The following CDC25C variants were observed in gnomAD, a reference collection of about 807,000 sequenced individuals.
The protein encoded by CDC25C is M-phase inducer phosphatase 3.
In CDC25C, 48 loss-of-function variants were observed where a neutral mutation model predicts 52.5. That is an observed-to-expected ratio of 0.91 (90% confidence interval 0.72 to 1.16). The LOEUF is 1.16. CDC25C is among the 50% of genes most tolerant of loss of function. CDC25C has a pLI of 0.00. For synonymous variants in CDC25C, 187 were observed against 206.5 expected (o/e 0.91, Z 0.81); for missense variants, 510 against 566.1 (o/e 0.90, Z 1.01).
At chr5:138,285,994 T>G in intron 13 of CDC25C, 28 bp downstream of exon 13, 1 of 1,582,226 alleles carries the variant, frequency 6.3e-7, no homozygotes, top group Non-Finnish European at 8.7e-7. Flanking sequence ...TTGTTAAAGT[T>G]TGGCTCCCCG....
At chr5:138,312,567 C>T (rs1385136407) in intron 7 of CDC25C, among the ~76,000 whole-genome samples, 1 of 152,126 alleles carries the variant, frequency 6.6e-6, no homozygotes, top group African/African-American at 2.4e-5. Flanking sequence ...AGCTTGAGGA[C>T]ATTATGCTAG....
Position 138,329,641 on chromosome 5 carries a change from G to A in CDC25C, c.201C>T (p.Thr67=), listed in dbSNP as rs781458799. Residue 67 remains threonine (T), a synonymous_variant, in exon 3 of 14, where the codon ACC becomes ACT. Transcript: ENST00000323760. The part of the protein sequence containing the change: ...SANLSILSGG[T]PKRCLDLSNL... ...TCGAAAGATCGAGGCAACGTTTTGG[G>A]GTTCCTCTGTTGAGACATAATAGTA... 29 of 1,605,346 alleles carry A rather than the reference G, an allele frequency of 1.8e-5. No homozygotes were observed. The Admixed American group carries it at 4.0e-4, about 22-fold the overall frequency.
chr5:138,289,984 T>C (rs931626520), intron 9 of CDC25C, among the ~76,000 whole-genome samples: 8 of 152,110 alleles, frequency 5.3e-5, no homozygotes, highest in Non-Finnish European at 8.8e-5. Context: ...AGAGGATTTC[T>C]TGAGGCCAGG....
At chr5:138,338,346 C>T (rs765422000), upstream of CDC25C, 5 of 440,410 alleles carry the variant, frequency 1.1e-5, no homozygotes, top group African/African-American at 2.1e-5. Flanking sequence ...GGCCTCGGGG[C>T]GGGCACCTCA....
At chr5:138,297,500 C>G (rs562535394) in intron 7 of CDC25C, among the ~76,000 whole-genome samples, 36 of 152,320 alleles carry the variant, frequency 2.4e-4, no homozygotes, top group South Asian at 6.2e-4. Flanking sequence ...ATGCTGGATT[C>G]ATCAGGGCCA....
At chr5:138,334,723 A>G (rs780244809), upstream of CDC25C, among the ~76,000 whole-genome samples, 17 of 152,228 alleles carry the variant, frequency 1.1e-4, no homozygotes, top group Non-Finnish European at 1.9e-4. Flanking sequence ...CTATCTCCTC[A>G]TGATTCCAGC....
intron 7 of CDC25C, among the ~76,000 whole-genome samples, chr5:138,307,920 C>T (rs1013171789): frequency 1.3e-5 from 2 of 152,142 alleles, no homozygotes; most frequent in South Asian, 4.1e-4. Context: ...CAGGATGAAA[C>T]TGTTTCACCT....
chr5:138,313,604 T>TCTGATTCC (rs971461258), intron 7 of CDC25C, among the ~76,000 whole-genome samples: 6 of 152,170 alleles, frequency 3.9e-5, no homozygotes, highest in Non-Finnish European at 8.8e-5. Context: ...ATCTCTCCTT[T>TCTGATTCC]CTGATTCCTG....
intron 7 of CDC25C, among the ~76,000 whole-genome samples, chr5:138,312,314 G>A (rs924107353): frequency 6.6e-6 from 1 of 152,180 alleles, no homozygotes; most frequent in African/African-American, 2.4e-5. Context: ...AGGCTGCAGT[G>A]AGCCATGATC....
rs149326899 is a variant in CDC25C at position 138,292,275 on chromosome 5, C to T, written c.616-159G>A. Among the ~76,000 whole-genome samples the T allele has an allele frequency of 4.2e-3, 643 of 152,154 alleles. 2 individuals are homozygous for T. Among genetic ancestry groups the T allele is most frequent in the African/African-American group, 0.015 (617 of 41,516 alleles). ...TTAAAATCTGCATTTTAACAAGATG[C>T]CCAGGTGATTTCTCAAGTTTGAGAA... On this transcript the variant is annotated intron_variant, in intron 7 of 13. Coordinates refer to ENST00000323760, the MANE Select transcript of CDC25C (RefSeq NM_001790.5).
At chr5:138,303,142 C>T (rs1248554243) in intron 7 of CDC25C, among the ~76,000 whole-genome samples, 2 of 152,174 alleles carry the variant, frequency 1.3e-5, no homozygotes. Flanking sequence ...TAGAAGGGAA[C>T]TTCCTCAACC....
intron 7 of CDC25C, among the ~76,000 whole-genome samples, chr5:138,314,998 G>A (rs1758772096): frequency 6.7e-6 from 1 of 148,684 alleles, no homozygotes; most frequent in Non-Finnish European, 1.5e-5. Flanking sequence ...TGCGATCTCG[G>A]CTCACTGCAG....
At chr5:138,296,237 T>C (rs550435645) in intron 7 of CDC25C, among the ~76,000 whole-genome samples, 2 of 152,214 alleles carry the variant, frequency 1.3e-5, no homozygotes, top group East Asian at 3.9e-4. Flanking sequence ...TTTTTATTTA[T>C]TTATTTATTT....
At chr5:138,286,267 G>A in intron 12 of CDC25C, 134 bp from the exon 13 acceptor site, 1 of 805,890 alleles carries the variant, frequency 1.2e-6, no homozygotes, top group Non-Finnish European at 2.0e-6. Context: ...CCCTGTGTTT[G>A]CAAAAAAAGG....
At chr5:138,325,341 C>T (rs993265334) in intron 6 of CDC25C, among the ~76,000 whole-genome samples, 4 of 151,988 alleles carry the variant, frequency 2.6e-5, no homozygotes, top group South Asian at 4.1e-4. Context: ...TAACTTGGAA[C>T]GACGGATGGC....
At chr5:138,302,252 C>T (rs1757685625) in intron 7 of CDC25C, among the ~76,000 whole-genome samples, 1 of 151,878 alleles carries the variant, frequency 6.6e-6, no homozygotes, top group African/African-American at 2.4e-5. Context: ...CTGCCTCAGC[C>T]TCCCAAAGTG....
chr5:138,286,741 C>A (rs760334603), intron 11 of CDC25C, 111 bp from the exon 12 acceptor site: 16 of 959,258 alleles, frequency 1.7e-5, no homozygotes, highest in Non-Finnish European at 2.5e-5. Flanking sequence ...AAAAGCTGGA[C>A]TATAAGCACC....
intron 1 of CDC25C, among the ~76,000 whole-genome samples, chr5:138,337,315 G>A (rs3756765): frequency 0.17 from 26,073 of 152,160 alleles, 2,969 homozygotes; most frequent in South Asian, 0.34. Context: ...CATGTGGGAG[G>A]TGGTGGTAGT....
At chr5:138,317,693 A>AC (rs1758993412) in intron 7 of CDC25C, among the ~76,000 whole-genome samples, 2 of 150,410 alleles carry the variant, frequency 1.3e-5, no homozygotes, top group African/African-American at 4.9e-5. Flanking sequence ...AAAAAAAAAA[A>AC]AAAAAAAAAA....
Sources: gnomAD v4.1 joint callset for allele counts (sites outside exome capture counted in the v4.1 genomes callset) on GRCh38, gnomAD v4.1.1 for gene constraint, MANE v1.5 for transcripts, NCBI Gene and HGNC (gene_info 2026-07-23, HGNC 2026-07-21) for gene names.